Variants in SLC26A3 observed in about 807,000 individuals in gnomAD.
SLC26A3 encodes the protein solute carrier family 26 member 3.
Under a neutral mutation model 85.6 loss-of-function variants are expected in SLC26A3, and 64 were observed. That is an observed-to-expected ratio of 0.75 (90% confidence interval 0.61 to 0.92). SLC26A3 has a LOEUF of 0.92. SLC26A3 is among the 40% of genes least tolerant of loss of function. The pLI is 0.00. For missense variants in SLC26A3, 922 were observed against 927.3 expected (o/e 0.99, Z 0.07); for synonymous variants, 349 against 336.0 (o/e 1.04, Z -0.42).
At chr7:107,788,438 G>T (rs1406702437) in intron 6 of SLC26A3, among the ~76,000 whole-genome samples, 1 of 152,096 alleles carries the variant, frequency 6.6e-6, no homozygotes, top group Admixed American at 6.6e-5. Context: ...ATGTTCTTTT[G>T]TTTTCTAAAC....
intron 18 of SLC26A3, among the ~76,000 whole-genome samples, chr7:107,769,214 A>G (rs994968473): frequency 6.6e-6 from 1 of 152,164 alleles, no homozygotes; most frequent in African/African-American, 2.4e-5. Flanking sequence ...TGACCCAGCA[A>G]TTCCATTACT....
intron 1 of SLC26A3, among the ~76,000 whole-genome samples, chr7:107,801,773 T>G (rs1257341534): frequency 6.6e-6 from 1 of 152,114 alleles, no homozygotes; most frequent in African/African-American, 2.4e-5. Flanking sequence ...AGTTGCTTCC[T>G]AAATTTTCAT....
intron 8 of SLC26A3, among the ~76,000 whole-genome samples, chr7:107,786,231 T>C (rs1039643965): frequency 3.3e-5 from 5 of 152,242 alleles, no homozygotes; most frequent in Non-Finnish European, 5.9e-5. Context: ...ATATTGTTTA[T>C]AGTAATTTAT....
intron 18 of SLC26A3, among the ~76,000 whole-genome samples, chr7:107,770,000 CTCTTTCTTTCTTTCTTTCTT>C (rs3076030): frequency 0.011 from 1,495 of 131,072 alleles, 26 homozygotes; most frequent in African/African-American, 0.038. Flanking sequence ...TTCCTTTTTT[CTCTTTCTTTCTTTCTTTCTT>C]TCTTTCTTTC....
chr7:107,783,411 C>A, intron 8 of SLC26A3, 59 bp from the exon 9 acceptor site: 1 of 1,588,806 alleles, frequency 6.3e-7, no homozygotes, highest in Admixed American at 1.7e-5. Context: ...CTGATATAAC[C>A]ATTGGGCAAA....
At chr7:107,769,304 A>C (rs1793965666) in intron 18 of SLC26A3, among the ~76,000 whole-genome samples, 1 of 152,228 alleles carries the variant, frequency 6.6e-6, no homozygotes, top group East Asian at 1.9e-4. Context: ...ACTATTCACA[A>C]TAGCAAAGAC....
intron 1 of SLC26A3, among the ~76,000 whole-genome samples, chr7:107,796,207 C>T (rs560847983): frequency 1.6e-4 from 25 of 152,012 alleles, no homozygotes; most frequent in Admixed American, 6.6e-4. Context: ...CTCCTAGGCT[C>T]AAGCGGTCCT....
At chr7:107,777,149 T>C (rs1794130452) in intron 13 of SLC26A3, among the ~76,000 whole-genome samples, 1 of 152,234 alleles carries the variant, frequency 6.6e-6, no homozygotes, top group South Asian at 2.1e-4. Context: ...TATTTCAATA[T>C]GGATGTATTC....
At position 107,778,272 on chromosome 7, in the gene SLC26A3, T is replaced by A; in HGVS notation, c.1417A>T (p.Ile473Phe). ...RKDKYDCLIW[I>F]MTFIFTIVLG... Reference sequence around the variant, plus strand: ...ACAATGGTGAAGATGAAGGTCATGATCCAAATTAACTGTGAAAAGAAAGCA... The same window carrying A: ...ACAATGGTGAAGATGAAGGTCATGAACCAAATTAACTGTGAAAAGAAAGCA... Residue 473 changes from isoleucine (I) to phenylalanine (F), a missense_variant, in exon 13 of 21, where the codon ATC (isoleucine) becomes TTC (phenylalanine). Transcript: ENST00000340010. 6.2e-7 allele frequency: 1 copy of A among 1,610,102 alleles called. No homozygotes were observed. Among genetic ancestry groups the A allele is most frequent in the South Asian group, 1.1e-5 (1 of 90,878 alleles).
chr7:107,767,676 G>A, intron 19 of SLC26A3, 32 bp from the exon 20 acceptor site: 1 of 1,603,840 alleles, frequency 6.2e-7, no homozygotes, highest in Non-Finnish European at 8.5e-7. Flanking sequence ...TATGGATTAG[G>A]GGCTGATTTT....
intron 18 of SLC26A3, among the ~76,000 whole-genome samples, 154 bp from the exon 19 acceptor site, chr7:107,768,062 ATCTT>A (rs1288202823): frequency 6.6e-6 from 1 of 152,220 alleles, no homozygotes; most frequent in Non-Finnish European, 1.5e-5. Flanking sequence ...ATACCAGTCT[ATCTT>A]TAGTACAATG....
At chr7:107,777,420 A>G (rs1794135510) in intron 13 of SLC26A3, among the ~76,000 whole-genome samples, 1 of 152,042 alleles carries the variant, frequency 6.6e-6, no homozygotes, top group Non-Finnish European at 1.5e-5. Flanking sequence ...ACACGGTGAA[A>G]CCCTGTCTCT....
At chr7:107,798,422 G>A (rs56145029) in intron 1 of SLC26A3, among the ~76,000 whole-genome samples, 5,219 of 152,156 alleles carry the variant, frequency 0.034, 306 homozygotes, top group African/African-American at 0.12. Context: ...CCAGTTACGA[G>A]AACCTCCACT....
chr7:107,788,416 A>G (rs2115862301), intron 6 of SLC26A3, among the ~76,000 whole-genome samples: 1 of 152,322 alleles, frequency 6.6e-6, no homozygotes, highest in Non-Finnish European at 1.5e-5. Flanking sequence ...TGCCCTATCT[A>G]CATAGTGGTA....
At chr7:107,776,254 G>A (rs1430304197) in intron 15 of SLC26A3, 198 bp downstream of exon 15, 2 of 615,862 alleles carry the variant, frequency 3.2e-6, no homozygotes, top group Admixed American at 2.8e-5. Flanking sequence ...CATCTGAAGA[G>A]GCTTATTTCC....
In SLC26A3 at chr7:107,776,643, A is replaced by C; in HGVS notation, c.1578T>G (p.Tyr526Ter). 6.2e-7 allele frequency: 1 copy of C among 1,613,574 alleles called. No homozygotes were observed. The highest frequency in any genetic ancestry group is 1.3e-5 in the African/African-American group (1 of 75,040). Residue 526 changes from tyrosine to a stop codon, truncating the protein, a stop_gained, in exon 14 of 21, where the codon TAT becomes TAG. Coordinates refer to ENST00000340010, the MANE Select transcript of SLC26A3 (RefSeq NM_000111.3). LOFTEE classifies it high-confidence loss of function. ...RTNIYKNKKD[Y>*]YDMYEPEGVK... The stretch of plus-strand genomic sequence containing the variant: ...AAACATGAATCTCCCTTACATCATA[A>C]TAATCTTTTTTATTCTTATAGATGT...
chr7:107,766,458 T>C (rs1490649007), intron 20 of SLC26A3, among the ~76,000 whole-genome samples: 3 of 152,110 alleles, frequency 2.0e-5, no homozygotes, highest in Non-Finnish European at 4.4e-5. Flanking sequence ...CCAGTTTTAT[T>C]GGGTTTCTCT....
intron 6 of SLC26A3, 114 bp downstream of exon 6, chr7:107,789,410 A>G: frequency 9.1e-7 from 1 of 1,095,408 alleles, no homozygotes; most frequent in Non-Finnish European, 1.3e-6. Flanking sequence ...AATATGAAAA[A>G]ATTTTACAAA....
intron 1 of SLC26A3, among the ~76,000 whole-genome samples, chr7:107,798,459 G>A (rs1410848040): frequency 6.6e-6 from 1 of 152,118 alleles, no homozygotes; most frequent in Non-Finnish European, 1.5e-5. Context: ...GCTGAGAAGT[G>A]TCTTTTGGCC....
Sources: gnomAD v4.1 joint callset for allele counts (sites outside exome capture counted in the v4.1 genomes callset) on GRCh38, gnomAD v4.1.1 for gene constraint, MANE v1.5 for transcripts, NCBI Gene and HGNC (gene_info 2026-07-23, HGNC 2026-07-21) for gene names.